Variants in RPS6KA2 observed in about 807,000 individuals in gnomAD.
The protein encoded by RPS6KA2 is ribosomal protein S6 kinase alpha-2.
RPS6KA2 carries 42 observed loss-of-function variants against 91.8 expected under a neutral mutation model. The observed-to-expected ratio is 0.46, with a 90% CI of 0.36 to 0.59. The LOEUF is 0.59. RPS6KA2 is among the 20% of genes least tolerant of loss of function. The pLI, the probability that RPS6KA2 is intolerant of heterozygous loss-of-function variation, is 0.00. For synonymous variants in RPS6KA2, 414 were observed against 393.6 expected (o/e 1.05, Z -0.61); for missense variants, 798 against 978.5 (o/e 0.82, Z 2.46).
intron 2 of RPS6KA2, 152 bp from the exon 3 acceptor site, chr6:166,531,465 G>T (rs35814781): frequency 3.1e-6 from 2 of 638,490 alleles, no homozygotes; most frequent in Non-Finnish European, 2.8e-6. Flanking sequence ...CAACGTCAAG[G>T]CTGCCGGAAA....
chr6:166,424,097 A>G (rs1696588445), intron 16 of RPS6KA2: 1 of 152,260 alleles, frequency 6.6e-6, no homozygotes, highest in Non-Finnish European at 1.5e-5. Flanking sequence ...TACAGCTTGG[A>G]TCCTGAACAT....
intron 3 of RPS6KA2, among the ~76,000 whole-genome samples, chr6:166,526,354 T>C (rs1783033571): frequency 6.9e-6 from 1 of 145,002 alleles, no homozygotes; most frequent in Non-Finnish European, 1.5e-5. Context: ...TTTTTTTTTT[T>C]TTTTTTTTTT....
At chr6:166,710,541 G>C (rs1487311886) in intron 2 of RPS6KA2, among the ~76,000 whole-genome samples, 1 of 151,832 alleles carries the variant, frequency 6.6e-6, no homozygotes, top group Admixed American at 6.6e-5. Flanking sequence ...GTGTGTATGT[G>C]TGTTTGCATT....
intron 2 of RPS6KA2, among the ~76,000 whole-genome samples, chr6:166,536,643 G>A (rs766182227): frequency 6.6e-6 from 1 of 151,946 alleles, no homozygotes; most frequent in Non-Finnish European, 1.5e-5. Context: ...CCCTTCCCAC[G>A]CCAGCCCCAG....
At chr6:166,624,062 C>T (rs911166472) in intron 1 of RPS6KA2, among the ~76,000 whole-genome samples, 1 of 151,922 alleles carries the variant, frequency 6.6e-6, no homozygotes, top group African/African-American at 2.4e-5. Context: ...AAAGAAGGAA[C>T]TTTAGAAATT....
At chr6:166,811,153 T>C (rs1254381504) in intron 2 of RPS6KA2, among the ~76,000 whole-genome samples, 1 of 152,216 alleles carries the variant, frequency 6.6e-6, no homozygotes, top group African/African-American at 2.4e-5. Context: ...CTCCAAGAGA[T>C]GGACAAATTG....
intron 1 of RPS6KA2, among the ~76,000 whole-genome samples, chr6:166,605,059 G>A (rs1438936097): frequency 1.3e-5 from 2 of 152,122 alleles, no homozygotes; most frequent in Non-Finnish European, 2.9e-5. Context: ...CTGCGACCAC[G>A]TGGCACTCTT....
intron 2 of RPS6KA2, among the ~76,000 whole-genome samples, chr6:166,633,905 C>T (rs891833347): frequency 6.6e-6 from 1 of 152,112 alleles, no homozygotes; most frequent in Non-Finnish European, 1.5e-5. Context: ...AAACATGCAG[C>T]TGGCCCATGG....
chr6:166,654,197 G>T (rs1056279834), intron 2 of RPS6KA2, among the ~76,000 whole-genome samples: 6 of 152,182 alleles, frequency 3.9e-5, no homozygotes, highest in African/African-American at 1.4e-4. Flanking sequence ...GAAAAGAAAA[G>T]GTTTAGAATT....
At chr6:166,702,296 C>T in intron 2 of RPS6KA2, 1 of 1,613,462 alleles carries the variant, frequency 6.2e-7, no homozygotes, top group Non-Finnish European at 8.5e-7. Context: ...CCTTGAGGAG[C>T]CCCTCTGCCC....
Position 166,849,034 on chromosome 6 carries a change from C to T in RPS6KA2, c.123+9166G>A, listed in dbSNP as rs949850054. On this transcript the variant is annotated intron_variant, in intron 2 of 21. Coordinates refer to the RPS6KA2 transcript ENST00000503859. The surrounding 1 kb of genome is among the most constrained non-coding windows in gnomAD (Gnocchi z 4.9). ...ATAATCCAAGACCTTGCCATGGCCT[C>T]GAATCCTGACATCACACTCTTCTCT... 1.3e-5 allele frequency among the ~76,000 whole-genome samples: 2 copies of T among 152,244 alleles called. No homozygotes were observed. The highest frequency in any genetic ancestry group is 1.9e-4 in the East Asian group (1 of 5,178).
At chr6:166,682,943 TTGAAGGCATGAATGAAGTAGGTAAG>T (rs1401153656) in intron 2 of RPS6KA2, among the ~76,000 whole-genome samples, 2 of 152,164 alleles carry the variant, frequency 1.3e-5, no homozygotes, top group South Asian at 2.1e-4. Context: ...AACCAATGAG[TTGAAGGCATGAATGAAGTAGGTAAG>T]TGAAGGCATG....
intron 1 of RPS6KA2, among the ~76,000 whole-genome samples, chr6:166,567,181 A>G (rs1784532455): frequency 6.6e-6 from 1 of 152,220 alleles, no homozygotes. Flanking sequence ...GCACCCTTTA[A>G]TCGGCCATGA....
chr6:166,420,040 C>T lies in RPS6KA2; in HGVS notation c.1744-82G>A, dbSNP rs73267301. 15,303 of 1,331,524 alleles carry T rather than the reference C, an allele frequency of 0.011. 1,267 individuals are homozygous for T. The African/African-American group carries it at 0.18, about 16-fold the overall frequency. The allele number at this position is 1,331,524 out of a possible 1,614,324, so 82.5% of individuals were successfully genotyped here. ...AGCACGTTTCTCCAGCGGCATCCTA[C>T]GCCGGCAAGCTGGGGACCAGGAGGA... On this transcript the variant is annotated intron_variant, in intron 17 of 20. Transcript: ENST00000265678.
At chr6:166,591,650 T>A (rs1219815388) in intron 1 of RPS6KA2, among the ~76,000 whole-genome samples, 2 of 151,744 alleles carry the variant, frequency 1.3e-5, no homozygotes, top group Non-Finnish European at 2.9e-5. Context: ...CAAGGAAGGA[T>A]CCTCCCAGGG....
intron 3 of RPS6KA2, among the ~76,000 whole-genome samples, chr6:166,523,354 T>C (rs1006326693): frequency 3.3e-5 from 5 of 152,174 alleles, no homozygotes; most frequent in South Asian, 4.1e-4. Flanking sequence ...ACACCTTAAG[T>C]ACCATGAGCA....
intron 2 of RPS6KA2, among the ~76,000 whole-genome samples, chr6:166,739,016 A>C (rs1201897293): frequency 6.6e-6 from 1 of 152,220 alleles, no homozygotes; most frequent in Non-Finnish European, 1.5e-5. Context: ...TACAAATGCT[A>C]GCAATATTGC....
intron 1 of RPS6KA2, among the ~76,000 whole-genome samples, chr6:166,552,152 G>C (rs1365966831): frequency 6.6e-6 from 1 of 152,214 alleles, no homozygotes; most frequent in Non-Finnish European, 1.5e-5. Flanking sequence ...GGGAACTCAG[G>C]GGCTGTGCAT....
At chr6:166,536,443 C>T (rs923722151) in intron 2 of RPS6KA2, among the ~76,000 whole-genome samples, 1 of 152,214 alleles carries the variant, frequency 6.6e-6, no homozygotes, top group Admixed American at 6.5e-5. Flanking sequence ...CCCTCGTCAT[C>T]AGTTTTGCTT....
Sources: allele counts gnomAD v4.1 joint callset (sites outside exome capture counted in the v4.1 genomes callset), GRCh38; gene constraint gnomAD v4.1.1; non-coding constraint Gnocchi (gnomAD v3.1); transcripts MANE v1.5; gene names NCBI Gene and HGNC (gene_info 2026-07-23, HGNC 2026-07-21).